Variants in CNOT4 observed in about 807,000 individuals in gnomAD.
The protein encoded by CNOT4 is CCR4-associated factor 4.
A neutral mutation model predicts 73.8 loss-of-function variants in CNOT4; 8 were observed. That is an observed-to-expected ratio of 0.11 (90% confidence interval 0.06 to 0.20). The LOEUF is 0.20. Among genes scored for constraint, CNOT4 ranks in the 10% least tolerant of loss-of-function variants. The pLI, the probability that CNOT4 is intolerant of heterozygous loss-of-function variation, is 1.00. For missense variants in CNOT4, 564 were observed against 883.4 expected (o/e 0.64, Z 4.58); for synonymous variants, 293 against 321.1 (o/e 0.91, Z 0.94).
intron 1 of CNOT4, among the ~76,000 whole-genome samples, chr7:135,455,099 G>C (rs1800439085): frequency 6.6e-6 from 1 of 151,788 alleles, no homozygotes; most frequent in South Asian, 2.1e-4. Flanking sequence ...AAAAAGGACA[G>C]GACAGGACAG....
intron 10 of CNOT4, among the ~76,000 whole-genome samples, chr7:135,379,334 G>C (rs1296580557): frequency 3.3e-5 from 5 of 152,130 alleles, no homozygotes; most frequent in Non-Finnish European, 5.9e-5. Flanking sequence ...CATTTAAAAT[G>C]CAGGTGAGGT....
chr7:135,404,025 C>G (rs1797145185), intron 7 of CNOT4, among the ~76,000 whole-genome samples: 1 of 152,188 alleles, frequency 6.6e-6, no homozygotes. Flanking sequence ...ACCCCACCCT[C>G]TGGAACAAAT....
chr7:135,379,956 G>C (rs1313784327), intron 10 of CNOT4, among the ~76,000 whole-genome samples: 1 of 151,934 alleles, frequency 6.6e-6, no homozygotes, highest in East Asian at 1.9e-4. Context: ...GCTAAGTGCA[G>C]TCCTTGGGCC....
chr7:135,389,157 C>CAAAAAAAAAAAAAAAAAAAAAAAACA (rs11292254), intron 10 of CNOT4, among the ~76,000 whole-genome samples: 1 of 83,670 alleles, frequency 1.2e-5, no homozygotes, highest in Non-Finnish European at 2.4e-5. Context: ...AACATACTAC[C>CAAAAAAAAAAAAAAAAAAAAAAAACA]AAAAAAAAAA....
chr7:135,505,420 C>T (rs1005388555), intron 1 of CNOT4, among the ~76,000 whole-genome samples: 5 of 151,964 alleles, frequency 3.3e-5, no homozygotes, highest in South Asian at 2.1e-4. Flanking sequence ...AGTGTGGTGG[C>T]GGACATCTGT....
intron 10 of CNOT4, chr7:135,384,644 C>G: frequency 1.3e-6 from 1 of 764,904 alleles, no homozygotes; most frequent in Non-Finnish European, 2.4e-6. Context: ...TTCCCACCAC[C>G]CAACGACATC....
chr7:135,451,951 T>C (rs1198417309), intron 1 of CNOT4, among the ~76,000 whole-genome samples: 2 of 152,036 alleles, frequency 1.3e-5, no homozygotes, highest in Non-Finnish European at 2.9e-5. Context: ...GAGAGACAAA[T>C]AAAACAGTGA....
intron 1 of CNOT4, among the ~76,000 whole-genome samples, chr7:135,495,790 G>T (rs1011908549): frequency 3.3e-5 from 5 of 150,106 alleles, no homozygotes; most frequent in African/African-American, 4.9e-5. Flanking sequence ...GGGCTGGGTG[G>T]GAGCAATAGC....
intron 2 of CNOT4, among the ~76,000 whole-genome samples, chr7:135,429,031 C>T (rs951173681): frequency 3.3e-5 from 5 of 152,174 alleles, no homozygotes; most frequent in Admixed American, 3.3e-4. Flanking sequence ...TATTCAAATT[C>T]CCCATTTTCT....
intron 2 of CNOT4, among the ~76,000 whole-genome samples, chr7:135,433,609 C>T (rs1798983657): frequency 6.6e-6 from 1 of 152,098 alleles, no homozygotes; most frequent in Non-Finnish European, 1.5e-5. Context: ...CCTCCCACCT[C>T]AGCCTCCCAA....
At chr7:135,487,642 A>G (rs887408644) in intron 1 of CNOT4, among the ~76,000 whole-genome samples, 1 of 152,154 alleles carries the variant, frequency 6.6e-6, no homozygotes, top group African/African-American at 2.4e-5. Context: ...ATGCCTAACA[A>G]AGCCACTTTT....
At chr7:135,417,881 C>A (rs1011247644) in intron 3 of CNOT4, among the ~76,000 whole-genome samples, 1 of 152,142 alleles carries the variant, frequency 6.6e-6, no homozygotes, top group East Asian at 1.9e-4. Flanking sequence ...AAGCACTTTA[C>A]CCCAAAGACA....
intron 1 of CNOT4, among the ~76,000 whole-genome samples, chr7:135,452,916 G>T (rs1475507119): frequency 6.6e-6 from 1 of 152,210 alleles, no homozygotes; most frequent in Non-Finnish European, 1.5e-5. Flanking sequence ...AATCGAAGCT[G>T]AGACTAATTA....
chr7:135,416,953 C>T (rs1202901525), intron 3 of CNOT4, among the ~76,000 whole-genome samples: 1 of 152,136 alleles, frequency 6.6e-6, no homozygotes. Flanking sequence ...GAGCCAGAAA[C>T]AAATTTCATA....
chr7:135,510,033 G>C lies in CNOT4; in HGVS notation c.-237C>G, dbSNP rs1804651602. The C allele has an allele frequency of 2.5e-6, 1 of 399,168 alleles. No individual in the cohort carries two copies. The allele number at this position is 399,168 out of a possible 1,614,324, so 24.7% of individuals were successfully genotyped here. A position where few individuals can be genotyped will look rare whatever the true frequency, so the allele number is the denominator to read the frequency against. ...GAGTCCGACCTTTACGGCTGAGAGAGAGACTCTCAGCTTTCGGTGGGTTCC... is the reference window on the plus strand; with the variant it reads ...GAGTCCGACCTTTACGGCTGAGAGACAGACTCTCAGCTTTCGGTGGGTTCC... On this transcript the variant is annotated 5_prime_UTR_variant, in exon 1 of 12. Transcript: ENST00000541284.
At chr7:135,499,782 G>A (rs1056773278) in intron 1 of CNOT4, among the ~76,000 whole-genome samples, 1 of 152,036 alleles carries the variant, frequency 6.6e-6, no homozygotes, top group Non-Finnish European at 1.5e-5. Context: ...CAGCAAGAAA[G>A]ATGGATAATC....
intron 10 of CNOT4, among the ~76,000 whole-genome samples, chr7:135,392,071 G>A (rs551383226): frequency 6.6e-5 from 10 of 152,028 alleles, no homozygotes; most frequent in African/African-American, 2.2e-4. Context: ...TTACTCAGGA[G>A]GTTTCCATCA....
At chr7:135,478,456 A>G (rs893780144) in intron 1 of CNOT4, among the ~76,000 whole-genome samples, 4 of 152,318 alleles carry the variant, frequency 2.6e-5, no homozygotes, top group South Asian at 2.1e-4. Flanking sequence ...TATTATAAGA[A>G]TAGGGCTGGG....
At chr7:135,372,553 A>ATTTTTTTTTT in intron 10 of CNOT4, among the ~76,000 whole-genome samples, 1 of 132,744 alleles carries the variant, frequency 7.5e-6, no homozygotes, top group Non-Finnish European at 1.6e-5. Flanking sequence ...GTTTGCTACC[A>ATTTTTTTTTT]TGTTTTTTTT....
Sources: allele counts gnomAD v4.1 joint callset (sites outside exome capture counted in the v4.1 genomes callset), GRCh38; gene constraint gnomAD v4.1.1; transcripts MANE v1.5; gene names NCBI Gene and HGNC (gene_info 2026-07-23, HGNC 2026-07-21).